The following DGKB variants were observed in gnomAD, a reference collection of about 807,000 sequenced individuals.
DGKB encodes 90 kDa diacylglycerol kinase.
In DGKB, 67 loss-of-function variants were observed where a neutral mutation model predicts 114.3. The ratio of observed to expected loss-of-function variants is 0.59; its 90% CI spans 0.48 to 0.72. DGKB has a LOEUF of 0.72. Among genes scored for constraint, DGKB ranks in the 30% least tolerant of loss-of-function variants. DGKB has a pLI of 0.00. For missense variants in DGKB, 907 were observed against 975.2 expected (o/e 0.93, Z 0.93); for synonymous variants, 398 against 323.1 (o/e 1.23, Z -2.49).
intron 25 of DGKB, among the ~76,000 whole-genome samples, chr7:14,159,913 C>A (rs977916044): frequency 3.3e-5 from 5 of 152,138 alleles, no homozygotes; most frequent in African/African-American, 7.2e-5. Context: ...CTTGGGTGAT[C>A]TGCCTGCCCT....
chr7:14,389,077 A>C (rs1820898279), intron 21 of DGKB, among the ~76,000 whole-genome samples: 2 of 152,220 alleles, frequency 1.3e-5, no homozygotes, highest in African/African-American at 4.8e-5. Context: ...GCTGAGGTAT[A>C]GCTTTCAATA....
chr7:14,546,987 T>C (rs541390967), intron 20 of DGKB, among the ~76,000 whole-genome samples: 1 of 152,312 alleles, frequency 6.6e-6, no homozygotes, highest in African/African-American at 2.4e-5. Context: ...AAAACCACCA[T>C]ACTTTGCACA....
At position 14,145,909 on chromosome 7, in the gene DGKB, G is replaced by T. The variant is rs1562459668; in HGVS notation, c.*3222C>A. 1 of 152,132 alleles carries T rather than the reference G, an allele frequency of 6.6e-6. No individual in the cohort carries two copies. The highest frequency in any genetic ancestry group is 1.5e-5 in the Non-Finnish European group (1 of 68,010). 9.4% of individuals were successfully genotyped at this position (152,132 alleles called of 1,614,324 possible). On this transcript the variant is annotated 3_prime_UTR_variant, in exon 26 of 26. Coordinates refer to ENST00000402815, the MANE Select transcript of DGKB (RefSeq NM_001350709.2). ...AAAACATATTCTTCCCTGAAAAATT[G>T]CAACTACTTCCCATATGCCTAAAAA...
chr7:14,484,486 T>C (rs1343859222), intron 20 of DGKB, among the ~76,000 whole-genome samples: 1 of 152,186 alleles, frequency 6.6e-6, no homozygotes, highest in Non-Finnish European at 1.5e-5. Context: ...TCTGGCTTCC[T>C]AAAGTGTGTG....
chr7:14,726,435 A>C (rs1351092605), intron 5 of DGKB, among the ~76,000 whole-genome samples: 2 of 152,214 alleles, frequency 1.3e-5, no homozygotes, highest in East Asian at 1.9e-4. Context: ...GCCCGGCCAG[A>C]ATCGGAGTTT....
At chr7:14,236,399 G>C in intron 23 of DGKB, among the ~76,000 whole-genome samples, 1 of 151,548 alleles carries the variant, frequency 6.6e-6, no homozygotes, top group East Asian at 1.9e-4. Context: ...GCAAAGGTAG[G>C]ATGAACCAGA....
intron 23 of DGKB, among the ~76,000 whole-genome samples, chr7:14,247,625 C>A (rs945085953): frequency 6.6e-6 from 1 of 152,134 alleles, no homozygotes; most frequent in African/African-American, 2.4e-5. Context: ...CTTCGCATAT[C>A]TTTTGGCCAT....
chr7:14,868,287 G>A (rs563492138), intron 1 of DGKB, among the ~76,000 whole-genome samples: 164 of 151,492 alleles, frequency 1.1e-3, no homozygotes, highest in African/African-American at 3.9e-3. Flanking sequence ...CTTGCCTCTT[G>A]CCACTTTTTT....
At chr7:14,678,871 A>G (rs1175091847) in intron 12 of DGKB, among the ~76,000 whole-genome samples, 1 of 152,014 alleles carries the variant, frequency 6.6e-6, no homozygotes, top group Admixed American at 6.6e-5. Flanking sequence ...GTAGGAAATG[A>G]CAAGACTCAG....
intron 5 of DGKB, among the ~76,000 whole-genome samples, chr7:14,734,754 C>A (rs910622372): frequency 1.3e-5 from 2 of 152,182 alleles, no homozygotes; most frequent in Non-Finnish European, 2.9e-5. Flanking sequence ...AATGTCCCAT[C>A]TTTAATATGG....
chr7:14,439,659 T>G (rs766275754), intron 21 of DGKB, among the ~76,000 whole-genome samples: 3 of 151,534 alleles, frequency 2.0e-5, no homozygotes, highest in Non-Finnish European at 4.4e-5. Flanking sequence ...AGGTCAGGAG[T>G]TTGAGACCAG....
At chr7:14,554,030 G>A (rs752881865) in intron 20 of DGKB, among the ~76,000 whole-genome samples, 4 of 151,612 alleles carry the variant, frequency 2.6e-5, no homozygotes, top group Non-Finnish European at 5.9e-5. Context: ...CCGTCACCAC[G>A]CCCGGCTAAT....
chr7:14,769,315 T>C (rs1158187979), intron 2 of DGKB, among the ~76,000 whole-genome samples: 1 of 151,536 alleles, frequency 6.6e-6, no homozygotes, highest in African/African-American at 2.4e-5. Context: ...CAAAGCCAGT[T>C]TGATATGGTT....
intron 20 of DGKB, among the ~76,000 whole-genome samples, chr7:14,545,587 C>A (rs945050437): frequency 1.3e-5 from 2 of 152,260 alleles, no homozygotes; most frequent in East Asian, 3.9e-4. Context: ...GAACAAGTGA[C>A]CATGGAGCCC....
In DGKB at chr7:14,314,619, C is replaced by A. The variant is rs1372262870; in HGVS notation, c.2122+23896G>T. Among the ~76,000 whole-genome samples, 22 of 152,176 alleles carry A rather than the reference C, an allele frequency of 1.4e-4. No homozygotes were observed. In the South Asian group the frequency reaches 1.9e-3, roughly 13 times the overall value. On this transcript the variant is annotated intron_variant, in intron 23 of 25. Coordinates refer to ENST00000402815, the MANE Select transcript of DGKB (RefSeq NM_001350709.2). Reference sequence around the variant, plus strand: ...AAGAAATGAGCAAAGCCTCCAAGAACTACGGGACTATGTGAAAAGACCAAA... The same window carrying A: ...AAGAAATGAGCAAAGCCTCCAAGAAATACGGGACTATGTGAAAAGACCAAA...
intron 21 of DGKB, among the ~76,000 whole-genome samples, chr7:14,405,446 C>T (rs961535856): frequency 1.3e-5 from 2 of 151,930 alleles, no homozygotes; most frequent in African/African-American, 4.8e-5. Context: ...ATAATAATAG[C>T]CATTATGAAA....
chr7:14,429,120 A>C (rs1183642556), intron 21 of DGKB, among the ~76,000 whole-genome samples: 1 of 152,130 alleles, frequency 6.6e-6, no homozygotes, highest in Non-Finnish European at 1.5e-5. Context: ...AGGATTAGAC[A>C]TATTTTTGTT....
At chr7:14,679,717 A>T (rs1205415358) in intron 12 of DGKB, among the ~76,000 whole-genome samples, 1 of 152,058 alleles carries the variant, frequency 6.6e-6, no homozygotes, top group African/African-American at 2.4e-5. Context: ...AGCAAAAGAA[A>T]GTACATTCAG....
At chr7:14,527,789 A>G (rs1444343800) in intron 20 of DGKB, among the ~76,000 whole-genome samples, 1 of 152,114 alleles carries the variant, frequency 6.6e-6, no homozygotes, top group African/African-American at 2.4e-5. Context: ...AAATAGAATC[A>G]CAGAAAAATG....
Sources: allele counts gnomAD v4.1 joint callset (sites outside exome capture counted in the v4.1 genomes callset), GRCh38; gene constraint gnomAD v4.1.1; transcripts MANE v1.5; gene names NCBI Gene and HGNC (gene_info 2026-07-23, HGNC 2026-07-21).